Variants in VWF observed in about 807,000 individuals in gnomAD.
VWF encodes the protein von Willebrand factor.
A neutral mutation model predicts 308.6 loss-of-function variants in VWF; 176 were observed. The ratio of observed to expected loss-of-function variants is 0.57; its 90% CI spans 0.50 to 0.65. VWF has a LOEUF of 0.65. Ranked by LOEUF, VWF falls within the 30% of genes least tolerant of loss-of-function variation. The pLI, the probability that VWF is intolerant of heterozygous loss-of-function variation, is 0.00. For synonymous variants in VWF, 1,385 were observed against 1,443.4 expected, an observed-to-expected ratio of 0.96 and a Z score of 0.92; for missense variants, 3,146 against 3,648.2, an observed-to-expected ratio of 0.86 and a Z score of 3.55.
chr12:5,953,445 G>A, intron 48 of VWF, 51 bp downstream of exon 48: 1 of 1,544,270 alleles, frequency 6.5e-7, no homozygotes, highest in Non-Finnish European at 9.0e-7. Flanking sequence ...TTCCAAAAAA[G>A]GAAGCAAGAT....
chr12:6,111,074 C>T, intron 3 of VWF, 106 bp from the exon 4 acceptor site: 1 of 1,048,274 alleles, frequency 9.5e-7, no homozygotes, highest in Non-Finnish European at 1.5e-6. Flanking sequence ...AGAAAACGCC[C>T]CAAAAAGTCT....
At chr12:5,989,230 ACT>A (rs1246288190) in intron 38 of VWF, among the ~76,000 whole-genome samples, 1 of 152,064 alleles carries the variant, frequency 6.6e-6, no homozygotes. Flanking sequence ...ACCTCTTTAG[ACT>A]CTGTTTTGTA....
intron 34 of VWF, among the ~76,000 whole-genome samples, chr12:6,003,883 T>G (rs1312565731): frequency 6.7e-6 from 1 of 148,814 alleles, no homozygotes; most frequent in African/African-American, 2.5e-5. Flanking sequence ...TGGCAAGATC[T>G]CGGCTCACTA....
At chr12:5,957,608 ACATACTTAAAGTGAT>A in intron 47 of VWF, among the ~76,000 whole-genome samples, 1 of 152,098 alleles carries the variant, frequency 6.6e-6, no homozygotes, top group African/African-American at 2.4e-5. Flanking sequence ...AGACTAAGAA[ACATACTTAAAGTGAT>A]GAAATTTAAA....
intron 6 of VWF, among the ~76,000 whole-genome samples, chr12:6,093,809 T>C (rs1033300397): frequency 6.6e-6 from 1 of 152,198 alleles, no homozygotes; most frequent in Non-Finnish European, 1.5e-5. Context: ...TCTTTACCTG[T>C]GGCAGGTGAA....
intron 10 of VWF, among the ~76,000 whole-genome samples, chr12:6,069,966 T>G (rs1366606929): frequency 6.6e-6 from 1 of 152,238 alleles, no homozygotes; most frequent in Non-Finnish European, 1.5e-5. Flanking sequence ...TAAAACTTCC[T>G]AATCTGGTGG....
intron 35 of VWF, among the ~76,000 whole-genome samples, chr12:5,994,872 A>G (rs1218274902): frequency 1.3e-5 from 2 of 152,180 alleles, no homozygotes; most frequent in Non-Finnish European, 2.9e-5. Context: ...CTGGAGATTA[A>G]AAGGAACCTT....
At chr12:6,039,414 C>T (rs1822433912) in intron 18 of VWF, among the ~76,000 whole-genome samples, 1 of 152,186 alleles carries the variant, frequency 6.6e-6, no homozygotes, top group Non-Finnish European at 1.5e-5. Flanking sequence ...ACCCACTCTC[C>T]AGAATCTTTT....
intron 15 of VWF, among the ~76,000 whole-genome samples, chr12:6,055,742 TTA>T (rs138745876): frequency 1.0e-4 from 12 of 115,766 alleles, no homozygotes; most frequent in Admixed American, 2.0e-4. Flanking sequence ...ACCATCTACT[TTA>T]TATATATATA....
At chr12:6,115,258 C>T (rs757793156) in intron 3 of VWF, among the ~76,000 whole-genome samples, 13 of 152,246 alleles carry the variant, frequency 8.5e-5, no homozygotes, top group Non-Finnish European at 1.3e-4. Flanking sequence ...AGGCTGGCAT[C>T]GAACTCCTGG....
intron 16 of VWF, among the ~76,000 whole-genome samples, chr12:6,051,184 G>A (rs1196608989): frequency 6.6e-6 from 1 of 151,636 alleles, no homozygotes; most frequent in Non-Finnish European, 1.5e-5. Context: ...GTAAAGTGCT[G>A]ATAATCATTG....
At chr12:5,981,102 A>G (rs1943599991) in intron 42 of VWF, among the ~76,000 whole-genome samples, 1 of 152,244 alleles carries the variant, frequency 6.6e-6, no homozygotes, top group Non-Finnish European at 1.5e-5. Context: ...CATTTCTCCC[A>G]TAGCACCTAG....
intron 6 of VWF, among the ~76,000 whole-genome samples, chr12:6,093,305 T>C (rs1276537369): frequency 6.6e-6 from 1 of 152,074 alleles, no homozygotes; most frequent in Non-Finnish European, 1.5e-5. Context: ...CACTGAGTCA[T>C]TCCTCAGGAA....
intron 26 of VWF, 51 bp from the exon 27 acceptor site, chr12:6,022,086 G>A: frequency 6.2e-7 from 1 of 1,612,808 alleles, no homozygotes; most frequent in Non-Finnish European, 8.5e-7. Context: ...TTTCCCACGA[G>A]GAAGCCTCAT....
Position 6,004,704 on chromosome 12 carries a change from G to GAT in VWF, c.5842+6911_5842+6912dup, listed in dbSNP as rs1047706237. ...ATAGGATATGGAATTAACATATACA[G>GAT]ATATATATAGGTTATATATAGATAT... is the stretch of plus-strand genomic sequence containing the variant. On this transcript the variant is annotated intron_variant, in intron 34 of 51. Transcript: ENST00000261405. Among the ~76,000 whole-genome samples, 6 of 136,858 alleles carry GAT rather than the reference G, an allele frequency of 4.4e-5. 1 individual carries two copies. The Middle Eastern group carries it at 0.011, about 248-fold the overall frequency. The allele number at this position is 136,858 out of a possible 152,430, so 89.8% of individuals were successfully genotyped here.
At chr12:6,026,096 C>G in intron 22 of VWF, 50 bp from the exon 23 acceptor site, 4 of 1,613,214 alleles carry the variant, frequency 2.5e-6, no homozygotes, top group Non-Finnish European at 3.4e-6. Flanking sequence ...GGAGCATGCT[C>G]TCCGGCTCAG....
At position 6,052,706 on chromosome 12, in the gene VWF, G is replaced by T; in HGVS notation, c.2023C>A (p.Pro675Thr). 1.2e-6 allele frequency: 2 copies of T among 1,614,178 alleles called. No homozygotes were observed. Among genetic ancestry groups the T allele is most frequent in the Non-Finnish European group, 1.7e-6 (2 of 1,180,034 alleles). ...CAGGCCTCATTGCATTCCTCATCCG[G>T]GTAAGAGAGAGAGCGGCAGGTCAGG... ...CNLTCRSLSY[P>T]DEECNEACLE... Residue 675 changes from proline to threonine, a missense_variant, in exon 16 of 52, where the codon CCG becomes ACG. Pro to Thr is a conservative substitution (Grantham distance 38). Around this residue, in one of 3 missense-constraint regions of VWF, gnomAD observed 1,304 missense variants for 1,353.0 expected, o/e 0.96. Transcript: ENST00000261405.
chr12:5,983,269 G>C lies in VWF; in HGVS notation c.6977-15C>G, dbSNP rs751149278. ...TGGGTCACACACTGAGGGCCAGAAA[G>C]AGAGACGTCCATGCAGAGTTCAGAA... On this transcript the variant is annotated splice_polypyrimidine_tract_variant and intron_variant, in intron 40 of 51. Coordinates refer to ENST00000261405, the MANE Select transcript of VWF (RefSeq NM_000552.5). 2 of 1,612,986 alleles carry C rather than the reference G, an allele frequency of 1.2e-6. No individual in the cohort carries two copies. The highest frequency in any genetic ancestry group is 1.7e-6 in the Non-Finnish European group (2 of 1,179,536).
chr12:5,968,694 C>T (rs1943434543), intron 45 of VWF, among the ~76,000 whole-genome samples: 1 of 152,156 alleles, frequency 6.6e-6, no homozygotes, highest in African/African-American at 2.4e-5. Flanking sequence ...TACTTGGAGG[C>T]TGAGGCAGGA....
Sources: gnomAD v4.1 joint callset for allele counts (sites outside exome capture counted in the v4.1 genomes callset) on GRCh38, gnomAD v4.1.1 for gene constraint, gnomAD v4.1.1 regional missense constraint, MANE v1.5 for transcripts, NCBI Gene and HGNC (gene_info 2026-07-23, HGNC 2026-07-21) for gene names.